ADCY10: variants seen among roughly 807,000 people sequenced by gnomAD.
ADCY10 encodes the protein adenylate cyclase type 10.
A neutral mutation model predicts 183.3 loss-of-function variants in ADCY10; 156 were observed. The ratio of observed to expected loss-of-function variants is 0.85; its 90% CI spans 0.75 to 0.97. The LOEUF (loss-of-function observed/expected upper bound fraction) is 0.97, where lower values mean the gene tolerates loss of function less well. Ranked by LOEUF, ADCY10 falls within the 50% of genes least tolerant of loss-of-function variation. The pLI is 0.00. For synonymous variants in ADCY10, 645 were observed against 670.0 expected, an observed-to-expected ratio of 0.96 and a Z score of 0.58; for missense variants, 1,745 against 1,934.3, an observed-to-expected ratio of 0.90 and a Z score of 1.84.
chr1:167,852,016 C>A (rs933502925), intron 18 of ADCY10, among the ~76,000 whole-genome samples: 1 of 152,032 alleles, frequency 6.6e-6, no homozygotes, highest in African/African-American at 2.4e-5. Context: ...TTAAAGTATA[C>A]AATTCAGCGG....
chr1:167,868,190 C>T (rs1666838381), intron 14 of ADCY10, among the ~76,000 whole-genome samples: 1 of 152,128 alleles, frequency 6.6e-6, no homozygotes, highest in South Asian at 2.1e-4. Context: ...ATTAGCCGAG[C>T]ATGTAGCCCA....
intron 17 of ADCY10, 121 bp downstream of exon 17, chr1:167,856,044 G>A: frequency 1.8e-6 from 2 of 1,142,564 alleles, no homozygotes; most frequent in Non-Finnish European, 2.5e-6. Context: ...TTTTTAAAAG[G>A]TGGGGCCAGG....
In ADCY10 at chr1:167,833,166, C is replaced by T. The variant is rs1663896129; in HGVS notation, c.3418-4G>A. On this transcript the variant is annotated splice_region_variant and splice_polypyrimidine_tract_variant and intron_variant, in intron 24 of 32. Transcript: ENST00000367851. ...TCTGGCCCATATTGAAACAGACCTA[C>T]AGGGAGGTGGGAGGGAAGAGAGGAA... 2 of 1,613,876 alleles carry T rather than the reference C, an allele frequency of 1.2e-6. No homozygotes were observed. Among genetic ancestry groups the T allele is most frequent in the South Asian group, 2.2e-5 (2 of 91,078 alleles).
At chr1:167,883,829 A>T (rs749548206) in intron 8 of ADCY10, among the ~76,000 whole-genome samples, 19 of 152,162 alleles carry the variant, frequency 1.2e-4, no homozygotes, top group Non-Finnish European at 2.6e-4. Flanking sequence ...GGACTTATGC[A>T]TGTGCTAATT....
rs1663000774 is a variant in ADCY10, at chr1:167,822,872, C to T, written c.4168+136G>A. On this transcript the variant is annotated intron_variant, in intron 29 of 32. Coordinates refer to ENST00000367851, the MANE Select transcript of ADCY10 (RefSeq NM_018417.6). Reference sequence around the variant, plus strand: ...CAGTGCTTCAGCTCACACAACCAGCCTCTCTCCATCCCTGCCCTGTAAGTC... The same window carrying T: ...CAGTGCTTCAGCTCACACAACCAGCTTCTCTCCATCCCTGCCCTGTAAGTC... 3.9e-6 allele frequency: 3 copies of T among 769,476 alleles called. No individual in the cohort carries two copies. The East Asian group carries it at 8.0e-5, about 20-fold the overall frequency. 47.7% of individuals were successfully genotyped at this position (769,476 alleles called of 1,614,324 possible).
chr1:167,837,325 A>G lies in ADCY10; in HGVS notation c.3008-7T>C, dbSNP rs1188766932. On this transcript the variant is annotated splice_polypyrimidine_tract_variant and splice_region_variant and intron_variant, in intron 21 of 32. Transcript: ENST00000367851. ...AAGATAAGCTTTTCTTCAGCTAGAA[A>G]ATAAACAAATGAGTTGTATGGGTCA... 4 of 1,611,226 alleles carry G rather than the reference A, an allele frequency of 2.5e-6. No homozygotes were observed. The highest frequency in any genetic ancestry group is 1.7e-5 in the Admixed American group (1 of 60,008).
chr1:167,815,301 A>G (rs1662464412), intron 31 of ADCY10, among the ~76,000 whole-genome samples: 1 of 152,186 alleles, frequency 6.6e-6, no homozygotes, highest in Non-Finnish European at 1.5e-5. Flanking sequence ...CCATTTTGAA[A>G]TATGCCAGAG....
At chr1:167,908,425 T>C (rs575611461) in intron 1 of ADCY10, among the ~76,000 whole-genome samples, 1 of 152,216 alleles carries the variant, frequency 6.6e-6, no homozygotes, top group South Asian at 2.1e-4. Context: ...GAGATGTTGG[T>C]GGCTGAAGGA....
At chr1:167,839,818 C>A (rs550507721) in intron 21 of ADCY10, among the ~76,000 whole-genome samples, 2 of 152,078 alleles carry the variant, frequency 1.3e-5, no homozygotes, top group Non-Finnish European at 2.9e-5. Context: ...ACATGGTAGA[C>A]GCTTAATAAA....
intron 17 of ADCY10, among the ~76,000 whole-genome samples, chr1:167,855,412 G>T (rs992549767): frequency 6.6e-6 from 1 of 152,218 alleles, no homozygotes; most frequent in Non-Finnish European, 1.5e-5. Flanking sequence ...GCACTCACCA[G>T]TGAGTCAGCT....
At chr1:167,858,816 C>T (rs1470304413) in intron 16 of ADCY10, among the ~76,000 whole-genome samples, 1 of 152,132 alleles carries the variant, frequency 6.6e-6, no homozygotes, top group Non-Finnish European at 1.5e-5. Flanking sequence ...TTTGCATATA[C>T]TCTGAGAATT....
Position 167,809,822 on chromosome 1 carries a change from G to A in ADCY10, c.4689C>T (p.Thr1563=), listed in dbSNP as rs776149150. ...GCCATTGGTCTTCTTTTAACTCAGA[G>A]GTTGAGTACCATGATTCCTGAGAGG... The part of the protein sequence containing the change: ...LNMNKESWYS[T]SELKEDQWLQ... The change falls in exon 33 of 33, where the codon ACC becomes ACT. Residue 1563 remains threonine (T), a synonymous_variant. Transcript: ENST00000367851. 2 of 1,614,056 alleles carry A rather than the reference G, an allele frequency of 1.2e-6. No individual in the cohort carries two copies. The highest frequency in any genetic ancestry group is 1.6e-4 in the Middle Eastern group (1 of 6,062).
Position 167,810,907 on chromosome 1 carries a change from C to G in ADCY10, c.4489G>C (p.Glu1497Gln), listed in dbSNP as rs1662167490. The G allele has an allele frequency of 2.5e-6, 4 of 1,613,974 alleles. No individual in the cohort carries two copies. Among genetic ancestry groups the G allele is most frequent in the Non-Finnish European group, 3.4e-6 (4 of 1,180,010 alleles). ...GTGGTATTTTGAGCCACCAGATTCT[C>G]CAAGTTCTAAAGAAAAAAAACCCAC... is the stretch of plus-strand genomic sequence containing the variant. ...ASGEELLKNL[E>Q]NLVAQNTTGP... The change falls in exon 32 of 33, where the codon GAG (glutamate) becomes CAG (glutamine). Residue 1497 changes from glutamate (E) to glutamine (Q), a missense_variant. By Grantham distance (29) the Glu-to-Gln change is conservative. Transcript: ENST00000367851.
At chr1:167,859,540 T>A (rs531754734) in intron 16 of ADCY10, among the ~76,000 whole-genome samples, 1 of 152,148 alleles carries the variant, frequency 6.6e-6, no homozygotes, top group Non-Finnish European at 1.5e-5. Context: ...GTACATTATA[T>A]CTCAACAAAG....
chr1:167,865,322 A>G (rs1306545606), intron 14 of ADCY10, among the ~76,000 whole-genome samples: 1 of 152,226 alleles, frequency 6.6e-6, no homozygotes. Context: ...CTAATTAGCT[A>G]AAGATAAAAA....
In ADCY10 at chr1:167,845,555, T is replaced by C; in HGVS notation, c.3007+8A>G. 1 of 1,613,308 alleles carries C rather than the reference T, an allele frequency of 6.2e-7. No individual in the cohort carries two copies. The highest frequency in any genetic ancestry group is 8.5e-7 in the Non-Finnish European group (1 of 1,179,220). On this transcript the variant is annotated splice_region_variant and intron_variant, in intron 21 of 32. Transcript: ENST00000367851. Reference sequence around the variant, plus strand: ...CAGTTAGGATAATTTTAAAATGAAGTAGGTTACTTTTAAATCCATGAGACA... The same window carrying C: ...CAGTTAGGATAATTTTAAAATGAAGCAGGTTACTTTTAAATCCATGAGACA...
chr1:167,898,022 A>T (rs1006100081), intron 6 of ADCY10, among the ~76,000 whole-genome samples: 2 of 142,796 alleles, frequency 1.4e-5, no homozygotes, highest in Non-Finnish European at 3.0e-5. Context: ...AAAAAAAAAA[A>T]AAATCAACAA....
chr1:167,883,336 C>A, intron 9 of ADCY10, 101 bp downstream of exon 9: 1 of 1,361,954 alleles, frequency 7.3e-7, no homozygotes. Context: ...CCACGCCCAG[C>A]CTCTAGGTTA....
intron 3 of ADCY10, among the ~76,000 whole-genome samples, chr1:167,903,200 G>A (rs1241351820): frequency 6.6e-6 from 1 of 152,126 alleles, no homozygotes; most frequent in Admixed American, 6.5e-5. Flanking sequence ...AGGCTGCAGT[G>A]AGCTGAGATC....
Sources: allele counts gnomAD v4.1 joint callset (sites outside exome capture counted in the v4.1 genomes callset), GRCh38; gene constraint gnomAD v4.1.1; transcripts MANE v1.5; gene names NCBI Gene and HGNC (gene_info 2026-07-23, HGNC 2026-07-21).